EXOC4: variants seen among roughly 807,000 people sequenced by gnomAD.
The protein encoded by EXOC4 is exocyst complex component 4, also known as SEC8-like 1.
Under a neutral mutation model 107.2 loss-of-function variants are expected in EXOC4, and 71 were observed. The ratio of observed to expected loss-of-function variants is 0.66; its 90% confidence interval spans 0.55 to 0.81. The LOEUF (loss-of-function observed/expected upper bound fraction) is 0.81. Among genes scored for constraint, EXOC4 ranks in the 30% least tolerant of loss-of-function variants. The pLI is 0.00. For missense variants in EXOC4, 1,108 were observed against 1,189.6 expected, an observed-to-expected ratio of 0.93 and a Z score of 1.01; for synonymous variants, 456 against 441.2, an observed-to-expected ratio of 1.03 and a Z score of -0.42.
Position 133,397,424 on chromosome 7 carries a change from G to A in EXOC4, c.1182+22422G>A, listed in dbSNP as rs192071976. Among the ~76,000 whole-genome samples the A allele has an allele frequency of 5.9e-5, 9 of 151,988 alleles. No individual in the cohort carries two copies. In the East Asian group the frequency reaches 1.5e-3, roughly 26 times the overall value. On this transcript the variant is annotated intron_variant, in intron 7 of 17. Coordinates refer to ENST00000253861, the MANE Select transcript of EXOC4 (RefSeq NM_021807.4). ...GCTGGGATTACAGGTGTGAGCCACT[G>A]CGCCCGGCTCATTTGGTTTTCTTAC...
chr7:133,961,026 C>T lies in EXOC4; in HGVS notation c.2206+22957C>T, dbSNP rs534093333. On this transcript the variant is annotated intron_variant, in intron 14 of 17. Coordinates refer to ENST00000253861, the MANE Select transcript of EXOC4 (RefSeq NM_021807.4). ...TGAGGCAAATGACAATTAAGGTTCTCGGCTCACCTGAGAATAGGGAGGTTA... is the reference window on the plus strand; with the variant it reads ...TGAGGCAAATGACAATTAAGGTTCTTGGCTCACCTGAGAATAGGGAGGTTA... Among the ~76,000 whole-genome samples, 4 of 152,260 alleles carry T rather than the reference C, an allele frequency of 2.6e-5. No individual in the cohort carries two copies. In the East Asian group the frequency reaches 7.7e-4, roughly 29 times the overall value.
intron 3 of EXOC4, among the ~76,000 whole-genome samples, chr7:133,291,383 ATT>A (rs372299756): frequency 1.7e-4 from 23 of 132,414 alleles, no homozygotes; most frequent in Non-Finnish European, 1.3e-4. Context: ...TTGTTATGTG[ATT>A]TTTTTTTTTT....
intron 11 of EXOC4, among the ~76,000 whole-genome samples, chr7:133,857,873 G>C (rs1048082196): frequency 6.6e-6 from 1 of 152,094 alleles, no homozygotes; most frequent in African/African-American, 2.4e-5. Context: ...TCGGGCGTGG[G>C]GGGAGGCATG....
At chr7:133,990,409 AC>A (rs1273623681) in intron 14 of EXOC4, among the ~76,000 whole-genome samples, 2 of 152,056 alleles carry the variant, frequency 1.3e-5, no homozygotes, top group East Asian at 3.9e-4. Context: ...TAATATGATG[AC>A]CTTCAGTTCC....
intron 11 of EXOC4, among the ~76,000 whole-genome samples, chr7:133,890,451 G>T (rs1396614530): frequency 8.1e-6 from 1 of 124,082 alleles, no homozygotes; most frequent in Non-Finnish European, 1.6e-5. Context: ...GTCAATTTTG[G>T]CTTTGGTTGC....
chr7:133,463,752 A>C (rs1300417146), intron 7 of EXOC4, among the ~76,000 whole-genome samples: 1 of 152,214 alleles, frequency 6.6e-6, no homozygotes, highest in African/African-American at 2.4e-5. Flanking sequence ...TATTAGCAGA[A>C]GCCTGGATTT....
intron 10 of EXOC4, among the ~76,000 whole-genome samples, chr7:133,655,436 C>A (rs551958438): frequency 3.3e-5 from 5 of 152,226 alleles, no homozygotes; most frequent in African/African-American, 1.2e-4. Context: ...GAACATATTC[C>A]TCTTAACTTT....
chr7:133,638,890 C>T (rs1423071514), intron 10 of EXOC4, among the ~76,000 whole-genome samples: 4 of 151,778 alleles, frequency 2.6e-5, no homozygotes, highest in African/African-American at 4.8e-5. Flanking sequence ...TTTTTATTAT[C>T]GATTAACCTT....
chr7:133,462,517 A>G (rs1163740112), intron 7 of EXOC4, among the ~76,000 whole-genome samples: 10 of 152,224 alleles, frequency 6.6e-5, no homozygotes, highest in Admixed American at 4.6e-4. Flanking sequence ...CTTCAAAGCT[A>G]TAAGCCCCTC....
intron 9 of EXOC4, among the ~76,000 whole-genome samples, chr7:133,543,699 C>T (rs1018300431): frequency 7.0e-6 from 1 of 143,280 alleles, no homozygotes; most frequent in Non-Finnish European, 1.5e-5. Flanking sequence ...GATTATAAAA[C>T]GAACCTGCTG....
chr7:133,932,048 T>C (rs971857591), intron 13 of EXOC4, among the ~76,000 whole-genome samples: 15 of 152,232 alleles, frequency 9.9e-5, no homozygotes, highest in African/African-American at 3.4e-4. Flanking sequence ...GAAGAAACTA[T>C]GCATTTATGC....
chr7:134,080,995 G>A, the EXOC4 span, among the ~76,000 whole-genome samples: 1 of 151,866 alleles, frequency 6.6e-6, no homozygotes, highest in Non-Finnish European at 1.5e-5. Flanking sequence ...CCTCCTTTAG[G>A]TCTCTGCTTT....
At chr7:133,348,367 G>T (rs1005518127) in intron 5 of EXOC4, among the ~76,000 whole-genome samples, 1 of 152,112 alleles carries the variant, frequency 6.6e-6, no homozygotes, top group Non-Finnish European at 1.5e-5. Flanking sequence ...ATTCATACCT[G>T]GCTTATTTGT....
At chr7:133,286,451 C>T (rs965957609) in intron 2 of EXOC4, among the ~76,000 whole-genome samples, 8 of 152,164 alleles carry the variant, frequency 5.3e-5, no homozygotes, top group Admixed American at 3.9e-4. Flanking sequence ...GTAATTTTCT[C>T]TGTTTTGATG....
In EXOC4 at chr7:133,917,595, G is replaced by C. The variant is rs751604065; in HGVS notation, c.1884G>C (p.Gln628His). ...TGGCTGTGTTTAGGGGTATTGTCCA[G>C]TCAGAAGAAAAACTTGTCATCAGTG... ...TCTAAYRGIVQSEEKLVISAS... is the reference protein window; with the variant it reads ...TCTAAYRGIVHSEEKLVISAS... The change falls in exon 13 of 18, where the codon CAG becomes CAC. Residue 628 changes from glutamine (Q) to histidine (H), a missense_variant. Gln to His is a conservative substitution (Grantham distance 24). Transcript: ENST00000253861. 1 of 1,613,992 alleles carries C rather than the reference G, an allele frequency of 6.2e-7. No individual in the cohort carries two copies. Among genetic ancestry groups the C allele is most frequent in the Non-Finnish European group, 8.5e-7 (1 of 1,179,974 alleles).
At chr7:133,757,698 A>C (rs2151146775) in intron 10 of EXOC4, among the ~76,000 whole-genome samples, 1 of 152,328 alleles carries the variant, frequency 6.6e-6, no homozygotes, top group Admixed American at 6.5e-5. Flanking sequence ...TCACCTAAAT[A>C]TGTGTTTGTT....
chr7:133,519,397 C>T (rs138402821), intron 9 of EXOC4, among the ~76,000 whole-genome samples: 35 of 151,818 alleles, frequency 2.3e-4, no homozygotes, highest in African/African-American at 3.6e-4. Context: ...CGCTCCAGCC[C>T]GGGCAACAGA....
chr7:133,257,784 T>C (rs1232906444), intron 1 of EXOC4, among the ~76,000 whole-genome samples: 1 of 152,212 alleles, frequency 6.6e-6, no homozygotes, highest in Non-Finnish European at 1.5e-5. Context: ...TTCACAGAAG[T>C]TGAAATTTCA....
At position 133,255,185 on chromosome 7, in the gene EXOC4, TC is replaced by T. The variant is rs561609689; in HGVS notation, c.86+1999del. On this transcript the variant is annotated intron_variant, in intron 1 of 17. Coordinates refer to ENST00000253861, the MANE Select transcript of EXOC4 (RefSeq NM_021807.4). ...ATATTGCTTTTCTTTTCTTTTCTTT[TC>T]TTTTTTTTTGAGACAGAGTCTTGCT... Among the ~76,000 whole-genome samples the T allele has an allele frequency of 1.9e-3, 283 of 152,052 alleles. 1 individual carries two copies. The highest frequency in any genetic ancestry group is 3.4e-3 in the Non-Finnish European group (229 of 67,988).
Sources: gnomAD v4.1 joint callset for allele counts (sites outside exome capture counted in the v4.1 genomes callset) on GRCh38, gnomAD v4.1.1 for gene constraint, MANE v1.5 for transcripts, NCBI Gene and HGNC (gene_info 2026-07-23, HGNC 2026-07-21) for gene names.